The following PCDHA5 variants were observed in gnomAD, a reference collection of about 807,000 sequenced individuals.
The protein encoded by PCDHA5 is protocadherin alpha-5.
In PCDHA5, 43 loss-of-function variants were observed where a neutral mutation model predicts 61.6. The ratio of observed to expected loss-of-function variants is 0.70; its 90% CI spans 0.55 to 0.90. The LOEUF (loss-of-function observed/expected upper bound fraction) is 0.90. Ranked by LOEUF, PCDHA5 falls within the 40% of genes least tolerant of loss-of-function variation. The probability of loss-of-function intolerance (pLI) is 0.00; values close to 1 mark genes in which losing one functional copy is unlikely to be tolerated. For missense variants in PCDHA5, 1,298 were observed against 1,222.7 expected (o/e 1.06, Z -0.92); for synonymous variants, 627 against 543.9 (o/e 1.15, Z -2.13).
chr5:140,906,243 A>T (rs2072484346), intron 1 of PCDHA5, among the ~76,000 whole-genome samples: 1 of 152,190 alleles, frequency 6.6e-6, no homozygotes, highest in South Asian at 2.1e-4. Flanking sequence ...GTCAACTTGA[A>T]CCCATACACA....
intron 1 of PCDHA5, chr5:140,852,359 C>T (rs2042307858): frequency 1.5e-5 from 3 of 204,042 alleles, no homozygotes; most frequent in Non-Finnish European, 1.9e-5. Flanking sequence ...CTCACTGCAA[C>T]GTCTGCCTCC....
chr5:140,828,917 G>A (rs1770028810), intron 1 of PCDHA5: 1 of 1,614,204 alleles, frequency 6.2e-7, no homozygotes, highest in South Asian at 1.1e-5. Flanking sequence ...AGCGAATGGG[G>A]CAATTTCATA....
chr5:140,976,413 C>T (rs560298731), intron 1 of PCDHA5, among the ~76,000 whole-genome samples: 2 of 151,978 alleles, frequency 1.3e-5, no homozygotes, highest in African/African-American at 4.8e-5. Flanking sequence ...TAGCCAGGTA[C>T]GGTGGCAGAT....
intron 1 of PCDHA5, chr5:140,849,645 C>A: frequency 6.3e-7 from 1 of 1,598,746 alleles, no homozygotes; most frequent in Non-Finnish European, 8.6e-7. Flanking sequence ...TGCCAACGGG[C>A]AGGTTACCTG....
chr5:141,009,975 GTAA>G lies in PCDHA5; in HGVS notation c.*43_*45del. The G allele has an allele frequency of 6.3e-7, 1 of 1,585,060 alleles. No individual in the cohort carries two copies. Among genetic ancestry groups the G allele is most frequent in the Non-Finnish European group, 8.6e-7 (1 of 1,168,878 alleles). ...GAAACAAGCCACTTAGCCAGTTTTT[GTAA>G]TAATGGCAAATCTCTCCCATGTAGC... On this transcript the variant is annotated 3_prime_UTR_variant, in exon 4 of 4. Coordinates refer to ENST00000529859, the MANE Select transcript of PCDHA5 (RefSeq NM_018908.3).
chr5:140,828,274 G>A (rs1554131158), intron 1 of PCDHA5: 4 of 1,613,956 alleles, frequency 2.5e-6, no homozygotes, highest in African/African-American at 1.3e-5. Flanking sequence ...AGCTGGTGCC[G>A]CGCCTGTTCA....
At chr5:140,832,389 C>G (rs1441016073) in intron 1 of PCDHA5, among the ~76,000 whole-genome samples, 1 of 152,132 alleles carries the variant, frequency 6.6e-6, no homozygotes, top group Non-Finnish European at 1.5e-5. Flanking sequence ...ATGGCAGAAA[C>G]TGGTAGTGGT....
At chr5:140,908,248 C>G (rs2073877594) in intron 1 of PCDHA5, among the ~76,000 whole-genome samples, 2 of 152,154 alleles carry the variant, frequency 1.3e-5, no homozygotes, top group South Asian at 4.1e-4. Context: ...TCCTCATCAA[C>G]TGATCATAGG....
chr5:140,880,327 T>C (rs2058305796), intron 1 of PCDHA5, among the ~76,000 whole-genome samples: 1 of 152,118 alleles, frequency 6.6e-6, no homozygotes, highest in African/African-American at 2.4e-5. Context: ...AATAAGATAC[T>C]AAAAATAAGA....
At chr5:140,828,125 C>T (rs1769542170) in intron 1 of PCDHA5, 2 of 1,613,046 alleles carry the variant, frequency 1.2e-6, no homozygotes, top group East Asian at 4.5e-5. Flanking sequence ...ATTGGGAAAG[C>T]AATGTCTGCT....
chr5:140,958,084 T>C (rs2095408627), intron 1 of PCDHA5, among the ~76,000 whole-genome samples: 1 of 152,110 alleles, frequency 6.6e-6, no homozygotes, highest in African/African-American at 2.4e-5. Flanking sequence ...AAAAGTAAAG[T>C]TGTACAATAG....
intron 1 of PCDHA5, among the ~76,000 whole-genome samples, chr5:140,931,914 A>C (rs1374173998): frequency 1.3e-5 from 2 of 151,960 alleles, no homozygotes; most frequent in Admixed American, 1.3e-4. Context: ...AAAGCATGAC[A>C]TTTAACAATG....
intron 1 of PCDHA5, chr5:140,843,169 C>A: frequency 6.3e-7 from 1 of 1,596,092 alleles, no homozygotes; most frequent in South Asian, 1.1e-5. Context: ...CAGCTGCAAG[C>A]AGCCCTCGCA....
Position 140,911,260 on chromosome 5 carries a change from A to G in PCDHA5, c.2353-67689A>G, listed in dbSNP as rs1178961396. On this transcript the variant is annotated intron_variant, in intron 1 of 3. Transcript: ENST00000529859. ...AAAAAAAGTTTCATCAGAATTTATA[A>G]TCTCAGTGTCCCCAGCTTCATCAGG... is the stretch of plus-strand genomic sequence containing the variant. Among the ~76,000 whole-genome samples, 8 of 152,222 alleles carry G rather than the reference A, an allele frequency of 5.3e-5. 1 individual carries two copies. The highest frequency in any genetic ancestry group is 1.9e-4 in the African/African-American group (8 of 41,520).
intron 1 of PCDHA5, among the ~76,000 whole-genome samples, chr5:140,844,849 G>A (rs1554140744): frequency 6.7e-6 from 1 of 148,746 alleles, no homozygotes; most frequent in African/African-American, 2.5e-5. Context: ...TGTGACTGTT[G>A]GACCTGCCTG....
intron 1 of PCDHA5, among the ~76,000 whole-genome samples, chr5:140,892,669 C>T (rs1361630982): frequency 2.6e-5 from 4 of 152,134 alleles, no homozygotes; most frequent in African/African-American, 9.7e-5. Context: ...CATTTTGATA[C>T]ATATATACAA....
rs570001791 is a variant in PCDHA5, at chr5:140,924,660, C to T, written c.2353-54289C>T. Among the ~76,000 whole-genome samples the T allele has an allele frequency of 2.5e-3, 382 of 152,090 alleles. 1 individual carries two copies. Among genetic ancestry groups the T allele is most frequent in the South Asian group, 8.9e-3 (43 of 4,822 alleles). Reference sequence around the variant, plus strand: ...CTGTAATCCCAGCACTTTGGGAGGCCGAGGCAGGCCAATCACTTGAGGTCA... The same window carrying T: ...CTGTAATCCCAGCACTTTGGGAGGCTGAGGCAGGCCAATCACTTGAGGTCA... On this transcript the variant is annotated intron_variant, in intron 1 of 3. Coordinates refer to ENST00000529859, the MANE Select transcript of PCDHA5 (RefSeq NM_018908.3).
At chr5:140,863,741 G>T in intron 1 of PCDHA5, 1 of 249,706 alleles carries the variant, frequency 4.0e-6, no homozygotes, top group East Asian at 1.0e-4. Context: ...ATGCCTATTT[G>T]TAATCCCGGC....
chr5:140,984,359 T>A (rs1372089743), intron 3 of PCDHA5, among the ~76,000 whole-genome samples: 1 of 152,242 alleles, frequency 6.6e-6, no homozygotes, highest in Non-Finnish European at 1.5e-5. Flanking sequence ...ATTTCATACA[T>A]CTGGCCAAGT....
Sources: allele counts gnomAD v4.1 joint callset (sites outside exome capture counted in the v4.1 genomes callset), GRCh38; gene constraint gnomAD v4.1.1; transcripts MANE v1.5; gene names NCBI Gene and HGNC (gene_info 2026-07-23, HGNC 2026-07-21).